DCT: variants seen among roughly 807,000 people sequenced by gnomAD.
The protein encoded by DCT is L-dopachrome tautomerase.
In DCT, 47 loss-of-function variants were observed where a neutral mutation model predicts 53.0. That is an observed-to-expected ratio of 0.89 (90% CI 0.70 to 1.13). The LOEUF is 1.13. Ranked by LOEUF, DCT falls within the 50% of genes most tolerant of loss-of-function variation. The probability of loss-of-function intolerance (pLI) is 0.00; values close to 1 mark genes in which losing one functional copy is unlikely to be tolerated. For missense variants in DCT, 669 were observed against 637.4 expected (o/e 1.05, Z -0.53); for synonymous variants, 244 against 237.0 (o/e 1.03, Z -0.27).
chr13:94,445,358 T>C (rs1310132105), intron 6 of DCT, among the ~76,000 whole-genome samples: 1 of 152,198 alleles, frequency 6.6e-6, no homozygotes, highest in African/African-American at 2.4e-5. Context: ...GCCTGAGCCC[T>C]GAACCATCAA....
At chr13:94,509,512 T>C in the DCT span, among the ~76,000 whole-genome samples, 1 of 152,040 alleles carries the variant, frequency 6.6e-6, no homozygotes, top group African/African-American at 2.4e-5. Context: ...ATTTTCAGCC[T>C]GGCCCTAAAG....
rs537914025 is a variant in DCT, at chr13:94,439,017, G to A, written c.*881C>T. On this transcript the variant is annotated 3_prime_UTR_variant, in exon 8 of 8. Coordinates refer to ENST00000377028, the MANE Select transcript of DCT (RefSeq NM_001922.5). ...TCAAGTCAAATTGTCTCATGTTCAGGTTTACAGCCTCACCAGCCTTCAGTC... is the reference window on the plus strand; with the variant it reads ...TCAAGTCAAATTGTCTCATGTTCAGATTTACAGCCTCACCAGCCTTCAGTC... The A allele has an allele frequency of 1.1e-5, 2 of 185,586 alleles. No homozygotes were observed. The highest frequency in any genetic ancestry group is 2.2e-4 in the South Asian group (2 of 9,284). 11.5% of individuals were successfully genotyped at this position (185,586 alleles called of 1,614,324 possible).
At chr13:94,501,662 A>C in the DCT span, among the ~76,000 whole-genome samples, 141 of 152,056 alleles carry the variant, frequency 9.3e-4, 2 homozygotes, top group Middle Eastern at 0.01. Flanking sequence ...GAAAGGAGAG[A>C]GAGGAGAGAG....
intron 4 of DCT, among the ~76,000 whole-genome samples, chr13:94,463,079 C>A (rs1883924549): frequency 6.6e-6 from 1 of 152,090 alleles, no homozygotes; most frequent in Admixed American, 6.6e-5. Flanking sequence ...ATCCTACACG[C>A]CTGCTATGGC....
chr13:94,476,709 G>A (rs774770701), intron 1 of DCT, among the ~76,000 whole-genome samples: 2 of 152,118 alleles, frequency 1.3e-5, no homozygotes, highest in South Asian at 2.1e-4. Context: ...CTCCTGACCC[G>A]TCTTGGCCTC....
chr13:94,540,815 G>A, the DCT span, among the ~76,000 whole-genome samples: 1 of 152,130 alleles, frequency 6.6e-6, no homozygotes, highest in Non-Finnish European at 1.5e-5. Flanking sequence ...CCAAAAGAAC[G>A]GAAATCAGTA....
chr13:94,491,194 G>A, the DCT span, among the ~76,000 whole-genome samples: 10 of 152,260 alleles, frequency 6.6e-5, no homozygotes, highest in East Asian at 3.9e-4. Flanking sequence ...ATCATCTCAC[G>A]GTCCTGGGGC....
chr13:94,470,868 G>A (rs1884601683), intron 1 of DCT, among the ~76,000 whole-genome samples: 1 of 152,142 alleles, frequency 6.6e-6, no homozygotes, highest in African/African-American at 2.4e-5. Flanking sequence ...TACTACACTT[G>A]TTTCAGCTCC....
chr13:94,510,476 A>T, the DCT span, among the ~76,000 whole-genome samples: 1 of 152,232 alleles, frequency 6.6e-6, no homozygotes, highest in East Asian at 1.9e-4. Flanking sequence ...AAAGACTAGT[A>T]TGAAGAAAAG....
chr13:94,472,107 G>C (rs551937004), intron 1 of DCT, among the ~76,000 whole-genome samples: 1 of 151,958 alleles, frequency 6.6e-6, no homozygotes, highest in Non-Finnish European at 1.5e-5. Flanking sequence ...TGAATTGGGG[G>C]CCTGACTGTT....
the DCT span, among the ~76,000 whole-genome samples, chr13:94,530,504 T>C: frequency 6.6e-6 from 1 of 152,190 alleles, no homozygotes; most frequent in Non-Finnish European, 1.5e-5. Flanking sequence ...TCAACGAACG[T>C]AATCCATCAC....
chr13:94,476,837 G>T (rs927714572), intron 1 of DCT, among the ~76,000 whole-genome samples: 1 of 152,120 alleles, frequency 6.6e-6, no homozygotes, highest in African/African-American at 2.4e-5. Flanking sequence ...AGAAGTTACT[G>T]TGTTAGTGTG....
chr13:94,487,059 T>C, the DCT span, among the ~76,000 whole-genome samples: 4 of 152,202 alleles, frequency 2.6e-5, no homozygotes, highest in Non-Finnish European at 5.9e-5. Flanking sequence ...TAAGAAGATC[T>C]CAAATCATAA....
intron 7 of DCT, among the ~76,000 whole-genome samples, chr13:94,440,676 G>GTTTTTT (rs761688508): frequency 0.022 from 2,196 of 97,986 alleles, 73 homozygotes; most frequent in Non-Finnish European, 0.032. Context: ...TCATTTTTTG[G>GTTTTTT]TTTTTTTTTT....
the DCT span, among the ~76,000 whole-genome samples, chr13:94,498,411 T>C: frequency 6.6e-6 from 1 of 152,214 alleles, no homozygotes; most frequent in African/African-American, 2.4e-5. Context: ...CCCAATGGGA[T>C]AGCATTAGGA....
chr13:94,511,271 C>G, the DCT span, among the ~76,000 whole-genome samples: 7,304 of 152,190 alleles, frequency 0.048, 282 homozygotes, highest in African/African-American at 0.11. Context: ...ACACCCTGCT[C>G]TCTCAGGACC....
chr13:94,450,426 T>C (rs1020962508), intron 6 of DCT, among the ~76,000 whole-genome samples: 6 of 152,160 alleles, frequency 3.9e-5, no homozygotes, highest in Non-Finnish European at 8.8e-5. Flanking sequence ...TATAGCACCC[T>C]GGGCAGGCAA....
At chr13:94,448,917 T>A (rs1029999145) in intron 6 of DCT, among the ~76,000 whole-genome samples, 1 of 151,138 alleles carries the variant, frequency 6.6e-6, no homozygotes, top group Non-Finnish European at 1.5e-5. Flanking sequence ...AAAAAAATAA[T>A]AATAATAAAT....
At chr13:94,490,713 T>G in the DCT span, among the ~76,000 whole-genome samples, 1 of 152,098 alleles carries the variant, frequency 6.6e-6, no homozygotes, top group East Asian at 1.9e-4. Flanking sequence ...TACTTACAAA[T>G]CATAGCAGAC....
Sources: gnomAD v4.1 joint callset for allele counts (sites outside exome capture counted in the v4.1 genomes callset) on GRCh38, gnomAD v4.1.1 for gene constraint, MANE v1.5 for transcripts, NCBI Gene and HGNC (gene_info 2026-07-23, HGNC 2026-07-21) for gene names.